Variants in SPTLC2 observed in about 807,000 individuals in gnomAD.
SPTLC2 encodes the protein serine palmitoyltransferase long chain base subunit 2, also known as serine palmitoyltransferase 2.
Under a neutral mutation model 62.0 loss-of-function variants are expected in SPTLC2, and 21 were observed. That is an observed-to-expected ratio of 0.34 (90% CI 0.24 to 0.49). SPTLC2 has a LOEUF of 0.49. SPTLC2 is among the 20% of genes least tolerant of loss of function. The pLI, the probability that SPTLC2 is intolerant of heterozygous loss-of-function variation, is 0.99. For synonymous variants in SPTLC2, 261 were observed against 261.8 expected (o/e 1.00, Z 0.03); for missense variants, 511 against 713.0 (o/e 0.72, Z 3.23).
At chr14:77,605,710 T>A (rs1437141551) in intron 1 of SPTLC2, among the ~76,000 whole-genome samples, 1 of 152,186 alleles carries the variant, frequency 6.6e-6, no homozygotes, top group Non-Finnish European at 1.5e-5. Flanking sequence ...CAGACTAAAT[T>A]TCATAACAGC....
At chr14:77,542,001 G>C (rs562109229) in intron 9 of SPTLC2, among the ~76,000 whole-genome samples, 3 of 150,552 alleles carry the variant, frequency 2.0e-5, no homozygotes, top group African/African-American at 4.9e-5. Context: ...AGGTTGCAGT[G>C]AGCCAAGATT....
Position 77,616,523 on chromosome 14 carries a change from G to A in SPTLC2, c.57C>T (p.Cys19=), listed in dbSNP as rs1159099550. 6.5e-7 allele frequency: 1 copy of A among 1,534,930 alleles called. No homozygotes were observed. Among genetic ancestry groups the A allele is most frequent in the Non-Finnish European group, 8.7e-7 (1 of 1,146,088 alleles). ...CCRRTVRANG[C]VANGEVRNGY... ...CGTTCCGTACTTCCCCGTTCGCCAC[G>A]CAGCCATTCGCCCGCACCGTGCGGC... is the stretch of plus-strand genomic sequence containing the variant. Residue 19 remains cysteine, a synonymous_variant, in exon 1 of 12, where the codon TGC becomes TGT. Coordinates refer to ENST00000216484, the MANE Select transcript of SPTLC2 (RefSeq NM_004863.4).
At chr14:77,568,372 AGAATAT>A (rs2079658109) in intron 5 of SPTLC2, among the ~76,000 whole-genome samples, 1 of 152,224 alleles carries the variant, frequency 6.6e-6, no homozygotes, top group Non-Finnish European at 1.5e-5. Flanking sequence ...TTAATGGCCT[AGAATAT>A]GGTCTTTGGT....
At chr14:77,515,938 GTGC>G (rs1220802522) in intron 11 of SPTLC2, among the ~76,000 whole-genome samples, 2 of 125,550 alleles carry the variant, frequency 1.6e-5, no homozygotes, top group Non-Finnish European at 3.6e-5. Flanking sequence ...AATTTTTTGT[GTGC>G]TGATCTTTTA....
chr14:77,524,244 T>C (rs554060059), intron 9 of SPTLC2, among the ~76,000 whole-genome samples: 2 of 152,274 alleles, frequency 1.3e-5, no homozygotes, highest in South Asian at 2.1e-4. Context: ...AACAGATTCA[T>C]GGTTGCCAGA....
intron 9 of SPTLC2, among the ~76,000 whole-genome samples, chr14:77,549,464 T>C (rs1286368684): frequency 3.3e-5 from 5 of 152,168 alleles, no homozygotes; most frequent in Non-Finnish European, 4.4e-5. Context: ...GATACATGCA[T>C]GAAGGTGCTC....
chr14:77,614,840 G>A (rs1265313419), intron 1 of SPTLC2, among the ~76,000 whole-genome samples: 3 of 150,696 alleles, frequency 2.0e-5, no homozygotes, highest in South Asian at 2.1e-4. Context: ...GCGTGATGAC[G>A]GGCGCCTGTA....
chr14:77,533,257 G>C (rs916417002), intron 9 of SPTLC2, among the ~76,000 whole-genome samples: 1 of 147,424 alleles, frequency 6.8e-6, no homozygotes, highest in African/African-American at 2.5e-5. Flanking sequence ...CCAAGACTGT[G>C]CCATTGCACT....
At chr14:77,544,990 G>A (rs2079520253) in intron 9 of SPTLC2, among the ~76,000 whole-genome samples, 1 of 151,930 alleles carries the variant, frequency 6.6e-6, no homozygotes, top group African/African-American at 2.4e-5. Context: ...GAGTCAGACT[G>A]CAGCCCACCC....
intron 11 of SPTLC2, among the ~76,000 whole-genome samples, chr14:77,517,632 A>ATTTTTCT (rs2079365376): frequency 6.6e-6 from 1 of 152,210 alleles, no homozygotes; most frequent in Non-Finnish European, 1.5e-5. Flanking sequence ...ACAGAGCAAG[A>ATTTTTCT]AGGTGTGGGG....
Position 77,561,886 on chromosome 14 carries a change from C to T in SPTLC2, c.850+510G>A, listed in dbSNP as rs187122595. On this transcript the variant is annotated intron_variant, in intron 6 of 11. Transcript: ENST00000216484. Reference sequence around the variant, plus strand: ...GTGTGTGTTTTAACTATGAAAGTTACGCATTTTTATTCTAAATAATCATTT... The same window carrying T: ...GTGTGTGTTTTAACTATGAAAGTTATGCATTTTTATTCTAAATAATCATTT... Among the ~76,000 whole-genome samples, 1,059 of 152,262 alleles carry T rather than the reference C, an allele frequency of 7.0e-3. 10 individuals are homozygous for T. The highest frequency in any genetic ancestry group is 0.024 in the African/African-American group (1,011 of 41,544).
At chr14:77,537,887 T>TA (rs1386769731) in intron 9 of SPTLC2, among the ~76,000 whole-genome samples, 2 of 151,824 alleles carry the variant, frequency 1.3e-5, no homozygotes, top group African/African-American at 4.9e-5. Flanking sequence ...CTTGTTCATG[T>TA]ATTCTTCTCT....
chr14:77,608,551 T>G (rs1181729068), intron 1 of SPTLC2, among the ~76,000 whole-genome samples: 1 of 152,200 alleles, frequency 6.6e-6, no homozygotes, highest in Non-Finnish European at 1.5e-5. Flanking sequence ...AGGCATGATC[T>G]GAGCACTAGA....
In SPTLC2 at chr14:77,608,964, G is replaced by T. The variant is rs868685484; in HGVS notation, c.132+7484C>A. On this transcript the variant is annotated intron_variant, in intron 1 of 11. Transcript: ENST00000216484. The stretch of plus-strand genomic sequence containing the variant: ...ATAATAATAATAATAATAATAATAA[G>T]GCCCCAGGGAGGGGTGCTTGATGGC... 5.3e-5 allele frequency among the ~76,000 whole-genome samples: 6 copies of T among 112,974 alleles called. No individual in the cohort carries two copies. The South Asian group carries it at 1.0e-3, about 19-fold the overall frequency. 74.1% of individuals were successfully genotyped at this position (112,974 alleles called of 152,430 possible).
intron 9 of SPTLC2, among the ~76,000 whole-genome samples, chr14:77,543,927 C>T (rs2079514943): frequency 6.6e-6 from 1 of 152,136 alleles, no homozygotes; most frequent in South Asian, 2.1e-4. Context: ...TCTTGACTTC[C>T]AGTTTCTTTT....
intron 1 of SPTLC2, among the ~76,000 whole-genome samples, chr14:77,611,324 G>A (rs1004559293): frequency 6.6e-6 from 1 of 150,986 alleles, no homozygotes; most frequent in African/African-American, 2.4e-5. Flanking sequence ...TTAGCCCACT[G>A]TAGTGGTGCA....
chr14:77,614,229 C>T (rs971436279), intron 1 of SPTLC2, among the ~76,000 whole-genome samples: 3 of 152,200 alleles, frequency 2.0e-5, no homozygotes, highest in African/African-American at 7.2e-5. Context: ...TCTATAAATG[C>T]TAAATTGTTA....
At chr14:77,541,212 T>C (rs2079499100) in intron 9 of SPTLC2, among the ~76,000 whole-genome samples, 1 of 144,308 alleles carries the variant, frequency 6.9e-6, no homozygotes, top group South Asian at 2.2e-4. Flanking sequence ...TATTTTATTT[T>C]ATTTTTTTGT....
At chr14:77,609,697 C>T (rs2079924721) in intron 1 of SPTLC2, among the ~76,000 whole-genome samples, 1 of 151,864 alleles carries the variant, frequency 6.6e-6, no homozygotes, top group Admixed American at 6.6e-5. Context: ...CACTGCACCC[C>T]AGCCTGGGCA....
Sources: gnomAD v4.1 joint callset for allele counts (sites outside exome capture counted in the v4.1 genomes callset) on GRCh38, gnomAD v4.1.1 for gene constraint, MANE v1.5 for transcripts, NCBI Gene and HGNC (gene_info 2026-07-23, HGNC 2026-07-21) for gene names.